The following TTC39B variants were observed in gnomAD, a reference collection of about 807,000 sequenced individuals.
TTC39B encodes the protein tetratricopeptide repeat protein 39B.
A neutral mutation model predicts 96.6 loss-of-function variants in TTC39B; 92 were observed. That is an observed-to-expected ratio of 0.95 (90% CI 0.80 to 1.13). The LOEUF is 1.13. Ranked by LOEUF, TTC39B falls within the 50% of genes most tolerant of loss-of-function variation. TTC39B has a pLI of 0.00. For missense variants in TTC39B, 955 were observed against 809.3 expected, an observed-to-expected ratio of 1.18 and a Z score of -2.18; for synonymous variants, 367 against 299.4, an observed-to-expected ratio of 1.23 and a Z score of -2.33.
intron 2 of TTC39B, among the ~76,000 whole-genome samples, chr9:15,266,331 G>A (rs1823129412): frequency 6.6e-6 from 1 of 151,614 alleles, no homozygotes; most frequent in South Asian, 2.1e-4. Context: ...ATTGCAGTCT[G>A]GAGGAAATAT....
At chr9:15,227,360 GT>G (rs894521929) in intron 2 of TTC39B, among the ~76,000 whole-genome samples, 21 of 147,546 alleles carry the variant, frequency 1.4e-4, no homozygotes, top group Admixed American at 2.0e-4. Flanking sequence ...TTTGTTTTTT[GT>G]TTTTTTCCCC....
chr9:15,281,718 T>A (rs1419119126), intron 1 of TTC39B, among the ~76,000 whole-genome samples: 1 of 146,726 alleles, frequency 6.8e-6, no homozygotes, highest in Non-Finnish European at 1.5e-5. Context: ...ACTCTGTCAC[T>A]CACGCTGGAG....
intron 2 of TTC39B, among the ~76,000 whole-genome samples, chr9:15,253,099 T>A (rs1822623028): frequency 6.6e-6 from 1 of 152,186 alleles, no homozygotes; most frequent in South Asian, 2.1e-4. Flanking sequence ...CCACCCCACA[T>A]GCTATTTGAT....
chr9:15,180,608 G>C (rs575546876), intron 17 of TTC39B, among the ~76,000 whole-genome samples: 1 of 152,250 alleles, frequency 6.6e-6, no homozygotes, highest in South Asian at 2.1e-4. Flanking sequence ...TAATGGGGGT[G>C]GGGGATGGGG....
In TTC39B at chr9:15,259,511, A is replaced by G. The variant is rs1298496983; in HGVS notation, c.275+8403T>C. 2.6e-5 allele frequency among the ~76,000 whole-genome samples: 4 copies of G among 152,244 alleles called. No homozygotes were observed. The East Asian group carries it at 7.7e-4, about 29-fold the overall frequency. On this transcript the variant is annotated intron_variant, in intron 2 of 19. Transcript: ENST00000512701. ...ATACAAAGACTGTACACAATTGTTTATAGCAGCATTATTCACAATAGCCAA... is the reference window on the plus strand; with the variant it reads ...ATACAAAGACTGTACACAATTGTTTGTAGCAGCATTATTCACAATAGCCAA...
At chr9:15,175,217 T>C (rs1414831013) in intron 18 of TTC39B, 82 bp from the exon 19 acceptor site, 8 of 983,128 alleles carry the variant, frequency 8.1e-6, no homozygotes, top group South Asian at 1.5e-5. Context: ...TTCCCATTCT[T>C]CAGAAAACAT....
intron 19 of TTC39B, among the ~76,000 whole-genome samples, chr9:15,172,803 G>A (rs953932049): frequency 6.6e-6 from 1 of 152,120 alleles, no homozygotes. Context: ...CTTTACAGTG[G>A]CACTTATTTC....
chr9:15,239,342 T>C (rs1308869846), intron 2 of TTC39B, among the ~76,000 whole-genome samples: 1 of 152,230 alleles, frequency 6.6e-6, no homozygotes, highest in Non-Finnish European at 1.5e-5. Flanking sequence ...TCAACCTCTA[T>C]GGAAAACAGT....
chr9:15,307,055 C>T, intron 1 of TTC39B, 29 bp downstream of exon 1: 1 of 1,605,228 alleles, frequency 6.2e-7, no homozygotes, highest in Non-Finnish European at 8.5e-7. Flanking sequence ...GCTTCAGGGG[C>T]CGGGCCCGCA....
exon 20 of TTC39B, chr9:15,170,380 C>G (rs1227872152): frequency 6.6e-6 from 1 of 152,136 alleles, no homozygotes; most frequent in Non-Finnish European, 1.5e-5. Context: ...TTCTACACTT[C>G]TTTCATTTTA....
At chr9:15,295,121 A>G in intron 1 of TTC39B, among the ~76,000 whole-genome samples, 1 of 152,194 alleles carries the variant, frequency 6.6e-6, no homozygotes, top group South Asian at 2.1e-4. Context: ...CTTACAATAC[A>G]TTACAAACAA....
rs190746908 is a variant in TTC39B, at chr9:15,246,584, T to C, written c.276-20572A>G. On this transcript the variant is annotated intron_variant, in intron 2 of 19. Coordinates refer to ENST00000512701, the Ensembl canonical transcript of TTC39B. ...TGTGACTACTTGACCAATACAACAC[T>C]GTGTTAGTTTGGGGTCCAAATCTTA... 5.2e-3 allele frequency among the ~76,000 whole-genome samples: 797 copies of C among 152,302 alleles called. 2 individuals are homozygous for C. Among genetic ancestry groups the C allele is most frequent in the Non-Finnish European group, 8.6e-3 (587 of 68,022 alleles).
At chr9:15,302,716 C>T (rs1397008637) in intron 1 of TTC39B, among the ~76,000 whole-genome samples, 2 of 151,528 alleles carry the variant, frequency 1.3e-5, no homozygotes, top group African/African-American at 2.4e-5. Flanking sequence ...TGGTGTTGGG[C>T]GCCTGTAATC....
chr9:15,191,113 C>T lies in TTC39B; in HGVS notation c.996+77G>A. 3.1e-6 allele frequency: 3 copies of T among 981,166 alleles called. No homozygotes were observed. The South Asian group carries it at 4.2e-5, about 14-fold the overall frequency. 60.8% of individuals were successfully genotyped at this position (981,166 alleles called of 1,614,324 possible). ...ATAATTATCAAGGTAGTTATGCAGA[C>T]ATGTTGCATTGCCCTCATGTTCAAT... On this transcript the variant is annotated intron_variant, in intron 10 of 19. Coordinates refer to ENST00000512701, the Ensembl canonical transcript of TTC39B.
intron 2 of TTC39B, among the ~76,000 whole-genome samples, chr9:15,237,896 C>G (rs1435914435): frequency 6.6e-6 from 1 of 152,154 alleles, no homozygotes; most frequent in East Asian, 1.9e-4. Context: ...CCACAAAATA[C>G]TAGCAAACTG....
At chr9:15,282,640 T>G (rs1823809537) in intron 1 of TTC39B, among the ~76,000 whole-genome samples, 1 of 152,196 alleles carries the variant, frequency 6.6e-6, no homozygotes, top group Non-Finnish European at 1.5e-5. Context: ...TACAACACTC[T>G]ATGAGCCAGA....
intron 1 of TTC39B, among the ~76,000 whole-genome samples, chr9:15,293,282 G>A (rs956309427): frequency 6.6e-6 from 1 of 152,154 alleles, no homozygotes; most frequent in East Asian, 1.9e-4. Flanking sequence ...AGTGCACTAT[G>A]ATGCTGGCAC....
At chr9:15,247,367 G>C (rs1443594750) in intron 2 of TTC39B, among the ~76,000 whole-genome samples, 2 of 152,188 alleles carry the variant, frequency 1.3e-5, no homozygotes, top group Non-Finnish European at 2.9e-5. Context: ...ATTCAGAAAG[G>C]AAATGGACAA....
At chr9:15,177,582 T>A in intron 18 of TTC39B, 115 bp downstream of exon 18, 1 of 674,824 alleles carries the variant, frequency 1.5e-6, no homozygotes, top group South Asian at 2.0e-5. Context: ...TTCTTTCTGG[T>A]AACACCAAGT....
Sources: gnomAD v4.1 joint callset for allele counts (sites outside exome capture counted in the v4.1 genomes callset) on GRCh38, gnomAD v4.1.1 for gene constraint, MANE v1.5 for transcripts, NCBI Gene and HGNC (gene_info 2026-07-23, HGNC 2026-07-21) for gene names.